The following SH3BGRL variants were observed in gnomAD, a reference collection of about 807,000 sequenced individuals.
The protein encoded by SH3BGRL is adapter SH3BGRL.
A neutral mutation model predicts 9.8 loss-of-function variants in SH3BGRL; 7 were observed. That is an observed-to-expected ratio of 0.72 (90% confidence interval 0.41 to 1.35). SH3BGRL has a LOEUF of 1.35. Among genes scored for constraint, SH3BGRL ranks in the 40% most tolerant of loss-of-function variants. SH3BGRL has a pLI of 0.01. For synonymous variants in SH3BGRL, 36 were observed against 29.1 expected (o/e 1.24, Z -0.76); for missense variants, 73 against 84.4 (o/e 0.86, Z 0.53).
At chrX:81,259,572 C>G (rs1490420651) in intron 1 of SH3BGRL, among the ~76,000 whole-genome samples, 1 of 111,708 alleles carries the variant, frequency 9.0e-6, no homozygotes, top group Non-Finnish European at 1.9e-5. Flanking sequence ...TAACTCTAGT[C>G]AGAAATTTTT....
intron 1 of SH3BGRL, among the ~76,000 whole-genome samples, chrX:81,243,637 T>C (rs558835992): frequency 9.0e-6 from 1 of 111,427 alleles, no homozygotes; most frequent in African/African-American, 3.3e-5. Flanking sequence ...ACGATGTGCT[T>C]ATTAACATTG....
chrX:81,226,914 C>T (rs6622424), intron 1 of SH3BGRL, among the ~76,000 whole-genome samples: 22,997 of 110,621 alleles, frequency 0.21, 1,964 homozygotes, highest in East Asian at 0.69. Flanking sequence ...CCTTTAGAAC[C>T]GTGTTGTTTC....
intron 3 of SH3BGRL, among the ~76,000 whole-genome samples, chrX:81,290,119 C>G (rs2147721541): frequency 8.9e-6 from 1 of 111,948 alleles, no homozygotes; most frequent in Non-Finnish European, 1.9e-5. Context: ...CATTCATACA[C>G]TGTTGGTGGG....
chrX:81,228,099 C>A (rs2075622540), intron 1 of SH3BGRL, among the ~76,000 whole-genome samples: 1 of 111,916 alleles, frequency 8.9e-6, no homozygotes. Context: ...GTATTGTCAA[C>A]TAAAAATATC....
chrX:81,246,834 T>C (rs2075691297), intron 1 of SH3BGRL, among the ~76,000 whole-genome samples: 1 of 112,057 alleles, frequency 8.9e-6, no homozygotes, highest in Non-Finnish European at 1.9e-5. Context: ...AGTTTTTTTC[T>C]AGTTCTGCGA....
At chrX:81,287,012 T>C (rs1245870176) in intron 3 of SH3BGRL, among the ~76,000 whole-genome samples, 1 of 111,833 alleles carries the variant, frequency 8.9e-6, no homozygotes. Flanking sequence ...TCTATGCCAG[T>C]GATTTCTCCC....
At chrX:81,203,176 A>G (rs2075535153) in intron 1 of SH3BGRL, among the ~76,000 whole-genome samples, 1 of 112,337 alleles carries the variant, frequency 8.9e-6, no homozygotes, top group Admixed American at 9.4e-5. Context: ...TTACAACTCA[A>G]GAGAAAGGCA....
At chrX:81,287,191 G>A (rs1050918354) in intron 3 of SH3BGRL, among the ~76,000 whole-genome samples, 10 of 111,531 alleles carry the variant, frequency 9.0e-5, no homozygotes, top group South Asian at 7.4e-4. Flanking sequence ...GAAAGAAAAC[G>A]TTGGTATTTT....
intron 1 of SH3BGRL, among the ~76,000 whole-genome samples, chrX:81,237,803 G>A (rs1221666774): frequency 9.4e-6 from 1 of 106,469 alleles, no homozygotes; most frequent in Non-Finnish European, 1.9e-5. Context: ...ACCTTAGGTT[G>A]CACAGCTCAC....
chrX:81,218,116 C>A (rs1229510118), intron 1 of SH3BGRL, among the ~76,000 whole-genome samples: 1 of 110,525 alleles, frequency 9.0e-6, no homozygotes, highest in Non-Finnish European at 1.9e-5. Flanking sequence ...CTTTTTCCAC[C>A]CCTTTACCTT....
At chrX:81,238,541 T>G (rs1054510694) in intron 1 of SH3BGRL, among the ~76,000 whole-genome samples, 3 of 111,883 alleles carry the variant, frequency 2.7e-5, no homozygotes, top group African/African-American at 9.8e-5. Flanking sequence ...CACAACACCT[T>G]TGAATCCACC....
intron 1 of SH3BGRL, among the ~76,000 whole-genome samples, chrX:81,270,633 G>A (rs1353539676): frequency 1.8e-5 from 2 of 111,867 alleles, no homozygotes; most frequent in African/African-American, 3.3e-5. Flanking sequence ...TGTATGAGGT[G>A]TCTGTTGGCC....
rs771626887 is a variant in SH3BGRL, at chrX:81,226,522, C to A, written c.45+24277C>A. On this transcript the variant is annotated intron_variant, in intron 1 of 3. Coordinates refer to ENST00000373212, the MANE Select transcript of SH3BGRL (RefSeq NM_003022.3). The stretch of plus-strand genomic sequence containing the variant: ...TATATATATATCTATATATATATAT[C>A]TATATCTCTCTCTCTATATATATAT... 1.8e-4 allele frequency among the ~76,000 whole-genome samples: 18 copies of A among 99,717 alleles called. No homozygotes were observed. In the South Asian group the frequency reaches 7.1e-3, roughly 39 times the overall value. 86.6% of individuals were successfully genotyped at this position (99,717 alleles called of 115,157 possible).
chrX:81,224,397 T>G (rs1331636688), intron 1 of SH3BGRL, among the ~76,000 whole-genome samples: 2 of 111,682 alleles, frequency 1.8e-5, no homozygotes, highest in African/African-American at 6.5e-5. Context: ...CTCTACTTCC[T>G]AGGAATGCTA....
At chrX:81,271,474 T>C (rs764170617) in intron 1 of SH3BGRL, among the ~76,000 whole-genome samples, 2 of 112,204 alleles carry the variant, frequency 1.8e-5, no homozygotes, top group South Asian at 7.5e-4. Context: ...TCACGAGAAC[T>C]CTAGGGAGCC....
intron 3 of SH3BGRL, among the ~76,000 whole-genome samples, chrX:81,291,702 T>C (rs917684176): frequency 1.2e-4 from 13 of 111,986 alleles, no homozygotes; most frequent in Admixed American, 6.6e-4. Flanking sequence ...ATTTTTCCTA[T>C]AAGCCTGTAA....
chrX:81,234,056 T>C (rs1795587591), intron 1 of SH3BGRL, among the ~76,000 whole-genome samples: 1 of 111,818 alleles, frequency 8.9e-6, no homozygotes, highest in African/African-American at 3.2e-5. Flanking sequence ...TTCATTAATT[T>C]ACTATTAATA....
At chrX:81,287,436 C>T (rs764184764) in intron 3 of SH3BGRL, among the ~76,000 whole-genome samples, 25 of 111,831 alleles carry the variant, frequency 2.2e-4, no homozygotes, top group Non-Finnish European at 4.5e-4. Flanking sequence ...AAATCCAAAA[C>T]CTGAACAGAC....
At chrX:81,272,635 G>T (rs1388019283) in intron 1 of SH3BGRL, among the ~76,000 whole-genome samples, 1 of 109,058 alleles carries the variant, frequency 9.2e-6, no homozygotes, top group African/African-American at 3.3e-5. Flanking sequence ...TGGTAGCTGG[G>T]ACTTCAGGTG....
Sources: gnomAD v4.1 joint callset for allele counts (sites outside exome capture counted in the v4.1 genomes callset) on GRCh38, gnomAD v4.1.1 for gene constraint, MANE v1.5 for transcripts, NCBI Gene and HGNC (gene_info 2026-07-23, HGNC 2026-07-21) for gene names.